Variants in PPL observed in about 807,000 individuals in gnomAD.
The protein encoded by PPL is periplakin.
In PPL, 198 loss-of-function variants were observed where a neutral mutation model predicts 194.4. That is an observed-to-expected ratio of 1.02 (90% CI 0.91 to 1.15). PPL has a LOEUF of 1.15. Ranked by LOEUF, PPL falls within the 50% of genes most tolerant of loss-of-function variation. The pLI is 0.00. For missense variants in PPL, 2,885 were observed against 2,294.8 expected, an observed-to-expected ratio of 1.26 and a Z score of -5.25; for synonymous variants, 1,220 against 972.4, an observed-to-expected ratio of 1.25 and a Z score of -4.74.
chr16:4,886,364 C>G (rs1392420325), intron 21 of PPL, among the ~76,000 whole-genome samples: 1 of 152,202 alleles, frequency 6.6e-6, no homozygotes, highest in Non-Finnish European at 1.5e-5. Context: ...GAATATCTGT[C>G]TGTAGTATGT....
At chr16:4,908,831 G>A (rs563594351) in intron 2 of PPL, among the ~76,000 whole-genome samples, 69 of 152,310 alleles carry the variant, frequency 4.5e-4, no homozygotes, top group African/African-American at 1.3e-3. Flanking sequence ...GCGAGCCACC[G>A]CACCCGGCTC....
rs1568009249 is a variant in PPL at position 4,897,684 on chromosome 16, G to C, written c.963C>G (p.Asp321Glu). 2 of 1,612,880 alleles carry C rather than the reference G, an allele frequency of 1.2e-6. No homozygotes were observed. Among genetic ancestry groups the C allele is most frequent in the Non-Finnish European group, 1.7e-6 (2 of 1,179,264 alleles). Reference protein sequence around the residue: ...CEESHLKYMEDYHQFHEDVKD... With the variant: ...CEESHLKYMEEYHQFHEDVKD... ...CAGGAAAGGTAAGTACCTGGTGGTA[G>C]TCCTCCATGTACTTGAGGTGGCTCT... Residue 321 changes from aspartate to glutamate, a missense_variant, in exon 9 of 22, where the codon GAC becomes GAG. Physicochemically the swap from Asp to Glu is conservative, Grantham distance 45 (BLOSUM62 2). Coordinates refer to ENST00000345988, the MANE Select transcript of PPL (RefSeq NM_002705.5).
chr16:4,920,067 C>G (rs906901381), intron 1 of PPL, among the ~76,000 whole-genome samples: 4 of 151,880 alleles, frequency 2.6e-5, no homozygotes, highest in African/African-American at 9.7e-5. Context: ...AGGTGGATCA[C>G]GAGGTCAGGA....
At chr16:4,909,899 T>G (rs1327008949) in intron 2 of PPL, among the ~76,000 whole-genome samples, 1 of 152,244 alleles carries the variant, frequency 6.6e-6, no homozygotes, top group East Asian at 1.9e-4. Flanking sequence ...GAAATTCAAA[T>G]GTAACTGGGC....
At position 4,887,962 on chromosome 16, in the gene PPL, G is replaced by T. The variant is rs1481461856; in HGVS notation, c.2514+140C>A. ...AAGTTCCTCATCTCTTACCAAACCT[G>T]TTTGCATGCAGGAGGGCTCTCAGTG... is the stretch of plus-strand genomic sequence containing the variant. On this transcript the variant is annotated intron_variant, in intron 20 of 21. Transcript: ENST00000345988. 6.0e-6 allele frequency: 4 copies of T among 662,298 alleles called. No homozygotes were observed. The Admixed American group carries it at 7.1e-5, about 12-fold the overall frequency. 41.0% of individuals were successfully genotyped at this position (662,298 alleles called of 1,614,324 possible).
chr16:4,889,251 T>TTTG (rs2088276524), intron 18 of PPL, among the ~76,000 whole-genome samples, 190 bp from the exon 19 acceptor site: 4 of 88,292 alleles, frequency 4.5e-5, no homozygotes, highest in East Asian at 8.9e-4. Context: ...GTTTTTTTTT[T>TTTG]TTTTTTTTTT....
intron 1 of PPL, among the ~76,000 whole-genome samples, chr16:4,922,767 C>T (rs1000981849): frequency 8.7e-6 from 1 of 114,712 alleles, no homozygotes; most frequent in African/African-American, 2.7e-5. Context: ...GACCCCCGGC[C>T]GTCCACACTG....
At chr16:4,903,522 C>G (rs910970771) in intron 3 of PPL, among the ~76,000 whole-genome samples, 1 of 152,040 alleles carries the variant, frequency 6.6e-6, no homozygotes, top group Non-Finnish European at 1.5e-5. Context: ...GAGTTTGAGA[C>G]CAGCCTGGCC....
At chr16:4,888,476 CT>C (rs1265132208) in intron 19 of PPL, among the ~76,000 whole-genome samples, 1 of 152,208 alleles carries the variant, frequency 6.6e-6, no homozygotes, top group Non-Finnish European at 1.5e-5. Flanking sequence ...CCCTCCCAGC[CT>C]TTCTACATGC....
At position 4,900,959 on chromosome 16, in the gene PPL, C is replaced by T; in HGVS notation, c.564+5G>A. 6.2e-7 allele frequency: 1 copy of T among 1,614,126 alleles called. No homozygotes were observed. The highest frequency in any genetic ancestry group is 8.5e-7 in the Non-Finnish European group (1 of 1,180,022). On this transcript the variant is annotated splice_donor_5th_base_variant and intron_variant, in intron 5 of 21. Coordinates refer to ENST00000345988, the MANE Select transcript of PPL (RefSeq NM_002705.5). Reference sequence around the variant, plus strand: ...GGGTCCCCACCACACCAGCACACGCCCCACCTTGTCCCCGTCCTTGGCCAG... The same window carrying T: ...GGGTCCCCACCACACCAGCACACGCTCCACCTTGTCCCCGTCCTTGGCCAG...
Position 4,902,590 on chromosome 16 carries a change from C to T in PPL, c.318-64G>A. ...GCACTGCCTGCACCCCAGGAGGGGCCCCCCACCCAGACCCCGGCCTCAGTG... is the reference window on the plus strand; with the variant it reads ...GCACTGCCTGCACCCCAGGAGGGGCTCCCCACCCAGACCCCGGCCTCAGTG... On this transcript the variant is annotated intron_variant, in intron 3 of 21. Coordinates refer to ENST00000345988, the MANE Select transcript of PPL (RefSeq NM_002705.5). The surrounding 1 kb of genome is among the most constrained non-coding windows in gnomAD (Gnocchi z 4.0). The T allele has an allele frequency of 6.4e-7, 1 of 1,573,002 alleles. No homozygotes were observed. The highest frequency in any genetic ancestry group is 8.6e-7 in the Non-Finnish European group (1 of 1,157,732).
At chr16:4,917,007 C>T (rs1257161904) in intron 1 of PPL, among the ~76,000 whole-genome samples, 1 of 152,034 alleles carries the variant, frequency 6.6e-6, no homozygotes, top group Non-Finnish European at 1.5e-5. Flanking sequence ...TGGTATGTGC[C>T]TGTAATCCCA....
intron 2 of PPL, among the ~76,000 whole-genome samples, chr16:4,905,957 A>T (rs1228981559): frequency 6.6e-6 from 1 of 152,148 alleles, no homozygotes; most frequent in Non-Finnish European, 1.5e-5. Flanking sequence ...TATTTTTAAA[A>T]GGTAGCTGGG....
At position 4,890,250 on chromosome 16, in the gene PPL, G is replaced by A. The variant is rs979496548; in HGVS notation, c.2247C>T (p.Ile749=). 6.2e-7 allele frequency: 1 copy of A among 1,614,228 alleles called. No individual in the cohort carries two copies. The highest frequency in any genetic ancestry group is 1.1e-5 in the South Asian group (1 of 91,090). The change falls in exon 18 of 22, where the codon ATC becomes ATT. Residue 749 remains isoleucine (I), a synonymous_variant. Coordinates refer to ENST00000345988, the MANE Select transcript of PPL (RefSeq NM_002705.5). ...CTGTCTCCTGGGGCTCGTAACTGGG[G>A]ATGCTGACTAGGAACTGCAGCACGT... The part of the protein sequence containing the change: ...HDHVLQFLVS[I]PSYEPQETDS...
chr16:4,883,576 G>A lies in PPL; in HGVS notation c.5079C>T (p.Cys1693=), dbSNP rs773562770. Residue 1693 remains cysteine (C), a synonymous_variant, in exon 22 of 22, where the codon TGC becomes TGT. Coordinates refer to ENST00000345988, the MANE Select transcript of PPL (RefSeq NM_002705.5). The surrounding 1 kb of genome is among the most constrained non-coding windows in gnomAD (Gnocchi z 4.8). ...NMFVKLRSQE[C]DWEEISVKGP... ...CCTTCACTGAGATCTCCTCCCAGTC[G>A]CACTCCTGGCTTCTGAGTTTCACGA... 1.9e-5 allele frequency: 31 copies of A among 1,613,998 alleles called. No individual in the cohort carries two copies. The highest frequency in any genetic ancestry group is 3.3e-5 in the South Asian group (3 of 91,088).
At chr16:4,904,110 G>T in intron 2 of PPL, 70 bp from the exon 3 acceptor site, 1 of 1,485,058 alleles carries the variant, frequency 6.7e-7, no homozygotes. Flanking sequence ...TGGGAGGGGT[G>T]GGAGGAAAGG....
intron 8 of PPL, 23 bp from the exon 9 acceptor site, chr16:4,897,793 G>A (rs1340806238): frequency 1.9e-6 from 3 of 1,595,370 alleles, no homozygotes; most frequent in Non-Finnish European, 2.6e-6. Context: ...GAAGGGGCCG[G>A]TCACCACTGG....
chr16:4,929,334 T>C (rs2142426575), intron 1 of PPL, among the ~76,000 whole-genome samples: 1 of 152,046 alleles, frequency 6.6e-6, no homozygotes, highest in East Asian at 1.9e-4. Flanking sequence ...CTTCTTCCTC[T>C]CCCAGACCTT....
At chr16:4,918,740 G>A (rs750092266) in intron 1 of PPL, among the ~76,000 whole-genome samples, 1 of 152,156 alleles carries the variant, frequency 6.6e-6, no homozygotes, top group East Asian at 1.9e-4. Context: ...GTAGCTTTGC[G>A]GTCCTGTGTT....
Sources: allele counts gnomAD v4.1 joint callset (sites outside exome capture counted in the v4.1 genomes callset), GRCh38; gene constraint gnomAD v4.1.1; non-coding constraint Gnocchi (gnomAD v3.1); transcripts MANE v1.5; gene names NCBI Gene and HGNC (gene_info 2026-07-23, HGNC 2026-07-21).